The following CNST variants were observed in gnomAD, a reference collection of about 807,000 sequenced individuals.
CNST encodes the protein consortin.
In CNST, 39 loss-of-function variants were observed where a neutral mutation model predicts 72.4. The ratio of observed to expected loss-of-function variants is 0.54; its 90% CI spans 0.42 to 0.70. The LOEUF is 0.70. Among genes scored for constraint, CNST ranks in the 30% least tolerant of loss-of-function variants. The pLI is 0.00. For synonymous variants in CNST, 332 were observed against 320.1 expected (o/e 1.04, Z -0.40); for missense variants, 871 against 868.5 (o/e 1.00, Z -0.04).
chr1:246,635,369 G>A (rs1407882916), intron 6 of CNST, among the ~76,000 whole-genome samples: 1 of 151,688 alleles, frequency 6.6e-6, no homozygotes, highest in Non-Finnish European at 1.5e-5. Context: ...GGAGAAACAG[G>A]AGGACCCCAA....
chr1:246,633,653 G>T (rs1310049112), intron 4 of CNST, among the ~76,000 whole-genome samples: 1 of 151,340 alleles, frequency 6.6e-6, no homozygotes. Context: ...TGAGGCAGGA[G>T]AATCGCTTGA....
chr1:246,635,869 AC>A (rs1665190695), intron 6 of CNST, among the ~76,000 whole-genome samples: 1 of 152,040 alleles, frequency 6.6e-6, no homozygotes, highest in African/African-American at 2.4e-5. Context: ...GCCTTTAAGG[AC>A]CGTTTTTCTC....
At chr1:246,583,810 TC>T (rs1373381738) in intron 1 of CNST, among the ~76,000 whole-genome samples, 1 of 152,226 alleles carries the variant, frequency 6.6e-6, no homozygotes, top group Non-Finnish European at 1.5e-5. Context: ...AAACCAGTGT[TC>T]CTCTGAATGT....
rs780221912 is a variant in CNST at position 246,591,830 on chromosome 1, A to AC, written c.271dup (p.Leu91ProfsTer3). The AC allele has an allele frequency of 1.2e-6, 2 of 1,613,906 alleles. No individual in the cohort carries two copies. Among genetic ancestry groups the AC allele is most frequent in the South Asian group, 2.2e-5 (2 of 91,044 alleles). The stretch of plus-strand genomic sequence containing the variant: ...GGCTGCAGGTGAGAACTTGCAAAAC[A>AC]CCCTTTGTGAAGCCTCCAGAGATGA... On this transcript the variant is annotated frameshift_variant, in exon 2 of 11. Coordinates refer to ENST00000366513, the MANE Select transcript of CNST (RefSeq NM_152609.3). LOFTEE classifies it high-confidence loss of function.
chr1:246,571,393 G>T (rs529523518), intron 1 of CNST, among the ~76,000 whole-genome samples: 12 of 152,078 alleles, frequency 7.9e-5, no homozygotes, highest in African/African-American at 2.9e-4. Context: ...CAAGTGATCC[G>T]CCCACCTCAG....
intron 6 of CNST, among the ~76,000 whole-genome samples, chr1:246,635,775 TC>T (rs1418062157): frequency 6.6e-6 from 1 of 152,200 alleles, no homozygotes; most frequent in Non-Finnish European, 1.5e-5. Context: ...CCGTGAACCA[TC>T]CTCAGCCCAG....
At chr1:246,605,925 T>G (rs1408671395) in intron 2 of CNST, 4 of 152,072 alleles carry the variant, frequency 2.6e-5, no homozygotes, top group Non-Finnish European at 5.9e-5. Flanking sequence ...CCTTGCGCCT[T>G]GGGACTGGGT....
chr1:246,656,293 C>T (rs74650242), intron 9 of CNST, among the ~76,000 whole-genome samples: 7,194 of 152,116 alleles, frequency 0.047, 582 homozygotes, highest in African/African-American at 0.16. Context: ...AGAAGAGTTG[C>T]GAATAATTTT....
chr1:246,585,112 T>G (rs1260442823), intron 1 of CNST, among the ~76,000 whole-genome samples: 2 of 152,174 alleles, frequency 1.3e-5, no homozygotes, highest in East Asian at 3.9e-4. Context: ...TGCCTTTTCT[T>G]CTGGGGAGTA....
chr1:246,654,128 T>C (rs1666641952), intron 9 of CNST, among the ~76,000 whole-genome samples: 1 of 152,214 alleles, frequency 6.6e-6, no homozygotes, highest in Non-Finnish European at 1.5e-5. Context: ...CTACTCGACA[T>C]TCAGGACTCC....
intron 1 of CNST, among the ~76,000 whole-genome samples, chr1:246,577,295 G>T (rs150688416): frequency 4.6e-4 from 70 of 151,926 alleles, no homozygotes; most frequent in African/African-American, 1.6e-3. Flanking sequence ...CCTCCATACC[G>T]CCCCACCACA....
At chr1:246,625,414 C>CTTTTTTTTT (rs61588900) in intron 3 of CNST, among the ~76,000 whole-genome samples, 4 of 56,102 alleles carry the variant, frequency 7.1e-5, no homozygotes, top group Non-Finnish European at 1.2e-4. Context: ...TTATTTCTTT[C>CTTTTTTTTT]TTTTTTTTTT....
At chr1:246,596,553 T>G (rs1250399243) in intron 2 of CNST, among the ~76,000 whole-genome samples, 1 of 152,234 alleles carries the variant, frequency 6.6e-6, no homozygotes, top group Non-Finnish European at 1.5e-5. Context: ...TTAATGTGTT[T>G]TTTAAACAGT....
intron 6 of CNST, among the ~76,000 whole-genome samples, chr1:246,635,830 C>T (rs886532777): frequency 1.4e-4 from 21 of 152,206 alleles, no homozygotes; most frequent in South Asian, 4.1e-4. Flanking sequence ...GGAGGCCACT[C>T]GTCCTCTCAC....
chr1:246,648,099 T>C, intron 9 of CNST, 62 bp downstream of exon 9: 1 of 1,512,316 alleles, frequency 6.6e-7, no homozygotes. Context: ...ATATATGTAT[T>C]AAATATTGCC....
intron 3 of CNST, among the ~76,000 whole-genome samples, chr1:246,623,727 A>G (rs1283345224): frequency 6.6e-6 from 1 of 151,840 alleles, no homozygotes; most frequent in Admixed American, 6.6e-5. Flanking sequence ...GCACCACTGC[A>G]CTCCAGCCTG....
chr1:246,636,666 T>A (rs542638172), intron 6 of CNST, among the ~76,000 whole-genome samples: 19 of 152,248 alleles, frequency 1.2e-4, no homozygotes, highest in Non-Finnish European at 2.4e-4. Flanking sequence ...TTGCTCCCCA[T>A]TGTCCAATTT....
chr1:246,619,619 GAT>G (rs1226919474), intron 2 of CNST, among the ~76,000 whole-genome samples: 1 of 152,248 alleles, frequency 6.6e-6, no homozygotes, highest in African/African-American at 2.4e-5. Context: ...TATAGGGAAA[GAT>G]GTGGATTTTA....
At chr1:246,614,509 T>C (rs1663549226) in intron 2 of CNST, among the ~76,000 whole-genome samples, 1 of 96,552 alleles carries the variant, frequency 1.0e-5, no homozygotes, top group East Asian at 3.2e-4. Context: ...TTGACTGCAA[T>C]AAATTTTTTT....
Sources: allele counts gnomAD v4.1 joint callset (sites outside exome capture counted in the v4.1 genomes callset), GRCh38; gene constraint gnomAD v4.1.1; transcripts MANE v1.5; gene names NCBI Gene and HGNC (gene_info 2026-07-23, HGNC 2026-07-21).